The following FRYL variants were observed in gnomAD, a reference collection of about 807,000 sequenced individuals.
FRYL encodes FRY like transcription coactivator.
A neutral mutation model predicts 351.2 loss-of-function variants in FRYL; 150 were observed. That is an observed-to-expected ratio of 0.43 (90% CI 0.37 to 0.49). The LOEUF (loss-of-function observed/expected upper bound fraction) is 0.49, where lower values mean the gene tolerates loss of function less well. Among genes scored for constraint, FRYL ranks in the 20% least tolerant of loss-of-function variants. The pLI, the probability that FRYL is intolerant of heterozygous loss-of-function variation, is 0.00. For missense variants in FRYL, 3,036 were observed against 3,619.3 expected, an observed-to-expected ratio of 0.84 and a Z score of 4.13; for synonymous variants, 1,153 against 1,257.1, an observed-to-expected ratio of 0.92 and a Z score of 1.75.
chr4:48,675,332 G>A (rs1364165303), intron 3 of FRYL, among the ~76,000 whole-genome samples: 1 of 152,234 alleles, frequency 6.6e-6, no homozygotes, highest in African/African-American at 2.4e-5. Context: ...CTTGCAGGGA[G>A]GTGTGGAGGG....
chr4:48,590,938 G>A, intron 16 of FRYL, 108 bp from the exon 17 acceptor site: 2 of 730,068 alleles, frequency 2.7e-6, no homozygotes, highest in Non-Finnish European at 2.2e-6. Context: ...TGGAAGGAAG[G>A]AAGATAGAAG....
chr4:48,642,593 A>G (rs1356153965), intron 3 of FRYL, among the ~76,000 whole-genome samples: 1 of 152,066 alleles, frequency 6.6e-6, no homozygotes, highest in Non-Finnish European at 1.5e-5. Flanking sequence ...TTCTTATTGA[A>G]AAGAGTTTCT....
chr4:48,580,862 T>C lies in FRYL; in HGVS notation c.2259+3A>G. ...TTGGGTAGAATGAAGTCACTATAGTTACCTGATCAGCCCCAGTGAGATGTA... is the reference window on the plus strand; with the variant it reads ...TTGGGTAGAATGAAGTCACTATAGTCACCTGATCAGCCCCAGTGAGATGTA... On this transcript the variant is annotated splice_donor_region_variant and intron_variant, in intron 22 of 63. Coordinates refer to ENST00000358350, the MANE Select transcript of FRYL (RefSeq NM_015030.2). The C allele has an allele frequency of 1.3e-6, 2 of 1,596,728 alleles. No individual in the cohort carries two copies. The highest frequency in any genetic ancestry group is 1.7e-6 in the Non-Finnish European group (2 of 1,164,924).
In FRYL at chr4:48,746,122, G is replaced by A. The variant is rs1036093597; in HGVS notation, c.-384+33956C>T. Among the ~76,000 whole-genome samples, 5 of 152,298 alleles carry A rather than the reference G, an allele frequency of 3.3e-5. 1 individual carries two copies. The highest frequency in any genetic ancestry group is 1.3e-4 in the Admixed American group (2 of 15,294). On this transcript the variant is annotated intron_variant, in intron 1 of 63. Coordinates refer to ENST00000358350, the MANE Select transcript of FRYL (RefSeq NM_015030.2). The stretch of plus-strand genomic sequence containing the variant: ...TCAAATCAATCAAGCACCTCCGTGC[G>A]TGAACAGCAAAGGCACATACATTTG...
At chr4:48,739,103 C>T (rs1468656278) in intron 1 of FRYL, among the ~76,000 whole-genome samples, 1 of 151,938 alleles carries the variant, frequency 6.6e-6, no homozygotes, top group Non-Finnish European at 1.5e-5. Flanking sequence ...AATGGATTCA[C>T]ATAAATGTAT....
chr4:48,508,743 T>C (rs1423327574), intron 59 of FRYL, among the ~76,000 whole-genome samples: 1 of 152,150 alleles, frequency 6.6e-6, no homozygotes, highest in Non-Finnish European at 1.5e-5. Context: ...CTCCCCTACA[T>C]GGCCTCATCT....
intron 4 of FRYL, among the ~76,000 whole-genome samples, chr4:48,632,968 G>A (rs1036944831): frequency 2.0e-5 from 3 of 152,060 alleles, no homozygotes; most frequent in African/African-American, 7.2e-5. Flanking sequence ...ATATATTATT[G>A]TGCCTAACTC....
At chr4:48,696,333 A>C (rs991807138) in intron 2 of FRYL, among the ~76,000 whole-genome samples, 5 of 152,320 alleles carry the variant, frequency 3.3e-5, no homozygotes, top group Admixed American at 3.3e-4. Flanking sequence ...TACACCATGG[A>C]ATACCGTGCA....
intron 4 of FRYL, among the ~76,000 whole-genome samples, chr4:48,629,119 C>T (rs979578482): frequency 1.9e-4 from 29 of 151,268 alleles, no homozygotes; most frequent in African/African-American, 6.8e-4. Context: ...GCTCACAATC[C>T]TATATTTTAT....
chr4:48,767,236 T>C (rs1278048904), intron 1 of FRYL, among the ~76,000 whole-genome samples: 1 of 151,972 alleles, frequency 6.6e-6, no homozygotes, highest in Non-Finnish European at 1.5e-5. Context: ...CGCCTTCACA[T>C]GGCCAGTAGG....
At chr4:48,526,102 T>C (rs1726160477) in intron 53 of FRYL, among the ~76,000 whole-genome samples, 1 of 152,066 alleles carries the variant, frequency 6.6e-6, no homozygotes, top group Non-Finnish European at 1.5e-5. Flanking sequence ...TATATGTGTA[T>C]GTATATGAGC....
chr4:48,727,306 T>A (rs774807674), intron 1 of FRYL: 3 of 151,718 alleles, frequency 2.0e-5, no homozygotes, highest in Non-Finnish European at 4.4e-5. Context: ...GCGAACAAAT[T>A]GAAAAAACAA....
rs749620375 is a variant in FRYL at position 48,540,757 on chromosome 4, T to A, written c.5891A>T (p.Asp1964Val). 1.2e-6 allele frequency: 2 copies of A among 1,613,890 alleles called. No homozygotes were observed. Among genetic ancestry groups the A allele is most frequent in the African/African-American group, 1.3e-5 (1 of 74,922 alleles). Reference protein sequence around the residue: ...RRRSNTLDIMDGRINHSSSLA... With the variant: ...RRRSNTLDIMVGRINHSSSLA... ...ACTACTGCTATGGTTTATCCGTCCA[T>A]CCATTATATCCAGTGTGTTACTCCG... The change falls in exon 46 of 64, where the codon GAT (aspartate) becomes GTT (valine). Residue 1964 changes from aspartate to valine, a missense_variant. Physicochemically the swap from Asp to Val is radical, Grantham distance 152 (BLOSUM62 -3). Around this residue, in one of 7 missense-constraint regions of FRYL, gnomAD observed 1,987 missense variants for 2,311.7 expected, o/e 0.86. Transcript: ENST00000358350.
At chr4:48,746,295 G>A (rs1186559958) in intron 1 of FRYL, among the ~76,000 whole-genome samples, 3 of 151,892 alleles carry the variant, frequency 2.0e-5, no homozygotes, top group Admixed American at 1.3e-4. Context: ...AGCTGGGCAC[G>A]GTGGCTCACA....
chr4:48,619,449 T>C (rs1750209535), intron 6 of FRYL, 79 bp from the exon 7 acceptor site: 1 of 715,032 alleles, frequency 1.4e-6, no homozygotes, highest in African/African-American at 1.8e-5. Flanking sequence ...CTCATGTCGC[T>C]TACTGTTTTC....
chr4:48,752,625 G>C (rs1226248861), intron 1 of FRYL, among the ~76,000 whole-genome samples: 3 of 152,066 alleles, frequency 2.0e-5, no homozygotes, highest in Admixed American at 6.5e-5. Context: ...TCTCTCAAAA[G>C]ATTCACCAAG....
Position 48,586,728 on chromosome 4 carries a change from C to A in FRYL, c.1641G>T (p.Thr547=). The change falls in exon 19 of 64, where the codon ACG becomes ACT. Residue 547 remains threonine, a splice_region_variant and synonymous_variant. Transcript: ENST00000358350. Reference sequence around the variant, plus strand: ...AATCAATCTTGGGTTTTCTTTCCCCCCTGAAAAATACAACAGGATTTAATA... The same window carrying A: ...AATCAATCTTGGGTTTTCTTTCCCCACTGAAAAATACAACAGGATTTAATA... ...MSNKEPEDMI[T]GERKPKIDLF... 2 of 1,578,146 alleles carry A rather than the reference C, an allele frequency of 1.3e-6. No individual in the cohort carries two copies. The highest frequency in any genetic ancestry group is 1.1e-5 in the South Asian group (1 of 88,068).
chr4:48,711,607 T>C (rs1768051078), intron 1 of FRYL, among the ~76,000 whole-genome samples: 1 of 152,292 alleles, frequency 6.6e-6, no homozygotes, highest in Non-Finnish European at 1.5e-5. Context: ...GAGGCCTGCC[T>C]GCCTCTGTAG....
chr4:48,724,557 C>T (rs1288482574), intron 1 of FRYL, among the ~76,000 whole-genome samples: 1 of 152,146 alleles, frequency 6.6e-6, no homozygotes, highest in Non-Finnish European at 1.5e-5. Context: ...GACTAAAAAG[C>T]AAGCTCCAGG....
Sources: allele counts gnomAD v4.1 joint callset (sites outside exome capture counted in the v4.1 genomes callset), GRCh38; gene constraint gnomAD v4.1.1; regional missense constraint gnomAD v4.1.1; transcripts MANE v1.5; gene names NCBI Gene and HGNC (gene_info 2026-07-23, HGNC 2026-07-21).